Variants in SIGLEC11 observed in about 807,000 individuals in gnomAD.
SIGLEC11 encodes the protein sialic acid binding Ig like lectin 11.
In SIGLEC11, 47 loss-of-function variants were observed where a neutral mutation model predicts 61.2. That is an observed-to-expected ratio of 0.77 (90% CI 0.61 to 0.98). SIGLEC11 has a LOEUF of 0.98. Ranked by LOEUF, SIGLEC11 falls within the 50% of genes least tolerant of loss-of-function variation. The pLI is 0.00. For synonymous variants in SIGLEC11, 278 were observed against 373.1 expected, an observed-to-expected ratio of 0.75 and a Z score of 2.94; for missense variants, 610 against 870.3, an observed-to-expected ratio of 0.70 and a Z score of 3.76.
At position 49,960,374 on chromosome 19, in the gene SIGLEC11, C is replaced by T. The variant is rs1362564120; in HGVS notation, c.508G>A (p.Gly170Arg). 6 of 1,598,854 alleles carry T rather than the reference C, an allele frequency of 3.8e-6. No individual in the cohort carries two copies. The highest frequency in any genetic ancestry group is 5.1e-6 in the Non-Finnish European group (6 of 1,178,490). ...ACACAGATGACCGTCACCGGCTGCC[C>T]GGGCTCCAGGGTCTCGGGGATGTAG... ...DVYIPETLEP[G>R]QPVTVICVFN... The change falls in exon 3 of 11, where the codon GGG becomes AGG. Residue 170 changes from glycine (G) to arginine (R), a missense_variant. This residue lies in a region of SIGLEC11 where 99 missense variants were observed against 131.6 expected (regional missense o/e 0.75). Transcript: ENST00000447370.
Position 49,949,919 on chromosome 19 carries a change from C to A in SIGLEC11, c.*51G>T. ...TCTGAGTCCAGTTCTGGCCGTCACA[C>A]CAGTGCGACTCCCACACACTTGCTG... On this transcript the variant is annotated 3_prime_UTR_variant, in exon 11 of 11. Coordinates refer to ENST00000447370, the MANE Select transcript of SIGLEC11 (RefSeq NM_052884.3). 8 of 1,372,394 alleles carry A rather than the reference C, an allele frequency of 5.8e-6. No individual in the cohort carries two copies. Among genetic ancestry groups the A allele is most frequent in the Non-Finnish European group, 5.7e-6 (6 of 1,053,240 alleles). The allele number at this position is 1,372,394 out of a possible 1,614,324, so 85.0% of individuals were successfully genotyped here.
chr19:49,952,173 T>A (rs2076162784), intron 9 of SIGLEC11, 125 bp downstream of exon 9: 6 of 1,119,292 alleles, frequency 5.4e-6, no homozygotes, highest in Non-Finnish European at 7.7e-6. Context: ...CCTGCTCTGA[T>A]CCTCTTGCCC....
At chr19:49,956,847 A>T (rs905807563) in intron 8 of SIGLEC11, among the ~76,000 whole-genome samples, 15 of 152,122 alleles carry the variant, frequency 9.9e-5, no homozygotes, top group African/African-American at 2.4e-4. Context: ...AATGTTATCT[A>T]TCAGAACAGG....
rs763362799 is a variant in SIGLEC11, at chr19:49,952,302, AGAC to A, written c.1741_1743del (p.Val581del). ...TGCCTGCCCTCCGATGCTTACCTGA[AGAC>A]GACAAGGCAGGAACAGAAAGCGAGC... On this transcript the variant is annotated inframe_deletion, in exon 9 of 11. Transcript: ENST00000447370. 5 of 1,612,694 alleles carry A rather than the reference AGAC, an allele frequency of 3.1e-6. No individual in the cohort carries two copies. The highest frequency in any genetic ancestry group is 4.5e-5 in the East Asian group (2 of 44,888).
At chr19:49,957,805 G>C (rs1468618852) in intron 8 of SIGLEC11, among the ~76,000 whole-genome samples, 2 of 152,186 alleles carry the variant, frequency 1.3e-5, no homozygotes, top group East Asian at 3.8e-4. Context: ...TTCGAGACCA[G>C]CCTGGCCAAC....
At chr19:49,954,406 A>G (rs1460732990) in intron 8 of SIGLEC11, among the ~76,000 whole-genome samples, 4 of 152,196 alleles carry the variant, frequency 2.6e-5, no homozygotes, top group Admixed American at 1.3e-4. Context: ...AAGGAAGTCA[A>G]AATAGTCAAG....
In SIGLEC11 at chr19:49,949,293, T is replaced by C. The variant is rs1466149138; in HGVS notation, c.*677A>G. The C allele has an allele frequency of 1.3e-5, 2 of 151,904 alleles. No individual in the cohort carries two copies. The highest frequency in any genetic ancestry group is 4.8e-5 in the African/African-American group (2 of 41,266). The allele number at this position is 151,904 out of a possible 1,614,324, so 9.4% of individuals were successfully genotyped here. The stretch of plus-strand genomic sequence containing the variant: ...GAGCCACCATGCCCAGCCTTTTTTT[T>C]TTTTTTAAATGTTCAAATGGGAACC... On this transcript the variant is annotated 3_prime_UTR_variant, in exon 11 of 11. Transcript: ENST00000447370.
chr19:49,951,757 C>A lies in SIGLEC11; in HGVS notation c.1830+134G>T. The A allele has an allele frequency of 2.9e-6, 2 of 698,546 alleles. No homozygotes were observed. Among genetic ancestry groups the A allele is most frequent in the Non-Finnish European group, 2.2e-6 (1 of 445,792 alleles). 43.3% of individuals were successfully genotyped at this position (698,546 alleles called of 1,614,324 possible). A position where few individuals can be genotyped will look rare whatever the true frequency, so the allele number is the denominator to read the frequency against. ...GCCTCCCAGATCATGGGACTTGGGA[C>A]TGCATTGATGGGGACCCAGGAGCAA... On this transcript the variant is annotated intron_variant, in intron 10 of 10. Transcript: ENST00000447370. This position sits in a 1 kb window ranked among gnomAD's most constrained non-coding sequence, Gnocchi z 4.6.
At position 49,949,674 on chromosome 19, in the gene SIGLEC11, T is replaced by G. The variant is rs1408940587; in HGVS notation, c.*296A>C. On this transcript the variant is annotated 3_prime_UTR_variant, in exon 11 of 11. Transcript: ENST00000447370. ...CAGGGAAACATGGCAAAACCCTGTC[T>G]CTACTAAAAATATAACAATGAGCCT... 2 of 210,090 alleles carry G rather than the reference T, an allele frequency of 9.5e-6. No individual in the cohort carries two copies. The highest frequency in any genetic ancestry group is 4.6e-5 in the African/African-American group (2 of 43,692). The allele number at this position is 210,090 out of a possible 1,614,324, so 13.0% of individuals were successfully genotyped here. A position where few individuals can be genotyped will look rare whatever the true frequency, so the allele number is the denominator to read the frequency against.
At chr19:49,950,517 A>G (rs1439958027) in intron 10 of SIGLEC11, among the ~76,000 whole-genome samples, 1 of 152,136 alleles carries the variant, frequency 6.6e-6, no homozygotes, top group Non-Finnish European at 1.5e-5. Context: ...CTGGGGAGAC[A>G]CTATTGTCTC....
In SIGLEC11 at chr19:49,960,536, C is replaced by A. The variant is rs1470110154; in HGVS notation, c.460+16G>T. ...TCCCCAGTGTGACAGGCAGGGGTTC[C>A]CACCCCATTCCATACCTGTTACTTT... On this transcript the variant is annotated intron_variant, in intron 2 of 10. Transcript: ENST00000447370. 1 of 1,596,468 alleles carries A rather than the reference C, an allele frequency of 6.3e-7. No individual in the cohort carries two copies. The highest frequency in any genetic ancestry group is 1.1e-5 in the South Asian group (1 of 90,372).
chr19:49,951,890 C>T lies in SIGLEC11; in HGVS notation c.1830+1G>A, dbSNP rs760129958. The T allele has an allele frequency of 1.3e-6, 2 of 1,595,658 alleles. No individual in the cohort carries two copies. The highest frequency in any genetic ancestry group is 1.7e-6 in the Non-Finnish European group (2 of 1,171,592). Reference sequence around the variant, plus strand: ...CCAGCAGACAGAGGCTGGGCTCTCACCTGGGAGATGGGTCCCAGGGTGGAG... The same window carrying T: ...CCAGCAGACAGAGGCTGGGCTCTCATCTGGGAGATGGGTCCCAGGGTGGAG... On this transcript the variant is annotated splice_donor_variant, in intron 10 of 10. Coordinates refer to ENST00000447370, the MANE Select transcript of SIGLEC11 (RefSeq NM_052884.3). LOFTEE classifies it high-confidence loss of function. This position sits in a 1 kb window ranked among gnomAD's most constrained non-coding sequence, Gnocchi z 4.6.
In SIGLEC11 at chr19:49,955,196, G is replaced by A. The variant is rs1473084192; in HGVS notation, c.1652-2802C>T. ...CATGACCAGAGAACAAAACGGGAAA[G>A]AGCGAAAGCAACAAGCGAGGCACCA... On this transcript the variant is annotated intron_variant, in intron 8 of 10. Coordinates refer to ENST00000447370, the MANE Select transcript of SIGLEC11 (RefSeq NM_052884.3). The surrounding 1 kb of genome is among the most constrained non-coding windows in gnomAD (Gnocchi z 4.5). Among the ~76,000 whole-genome samples, 1 of 151,516 alleles carries A rather than the reference G, an allele frequency of 6.6e-6. No homozygotes were observed. The highest frequency in any genetic ancestry group is 2.4e-5 in the African/African-American group (1 of 41,224).
At chr19:49,958,002 C>T (rs758318973) in intron 8 of SIGLEC11, among the ~76,000 whole-genome samples, 8 of 151,658 alleles carry the variant, frequency 5.3e-5, no homozygotes, top group Non-Finnish European at 1.0e-4. Context: ...AAAAAAAAAC[C>T]AAAAAACAAA....
rs1410144822 is a variant in SIGLEC11 at position 49,955,123 on chromosome 19, A to G, written c.1652-2729T>C. On this transcript the variant is annotated intron_variant, in intron 8 of 10. Transcript: ENST00000447370. This position sits in a 1 kb window ranked among gnomAD's most constrained non-coding sequence, Gnocchi z 4.5. ...GTGACGTCAAGCGGCAGCTGCAGGCATGAATGCCACCCAGCTTATAAAAGT... is the reference window on the plus strand; with the variant it reads ...GTGACGTCAAGCGGCAGCTGCAGGCGTGAATGCCACCCAGCTTATAAAAGT... Among the ~76,000 whole-genome samples, 1 of 152,132 alleles carries G rather than the reference A, an allele frequency of 6.6e-6. No homozygotes were observed. Among genetic ancestry groups the G allele is most frequent in the Non-Finnish European group, 1.5e-5 (1 of 68,026 alleles).
chr19:49,950,007 T>A lies in SIGLEC11; in HGVS notation c.2060A>T (p.Gln687Leu). ...CATCCCTGACATCTCCCTCTCCAAT[T>A]GAAGCCCAAAGCCTGGGCCCCTCAG... ...QPLRGPGFGL[Q>L]LEREMSGMVP... The change falls in exon 11 of 11, where the codon CAA becomes CTA. Residue 687 changes from glutamine (Q) to leucine (L), a missense_variant. Gln to Leu is a moderately radical substitution (Grantham distance 113). Coordinates refer to ENST00000447370, the MANE Select transcript of SIGLEC11 (RefSeq NM_052884.3). 1 of 1,515,874 alleles carries A rather than the reference T, an allele frequency of 6.6e-7. No individual in the cohort carries two copies. Among genetic ancestry groups the A allele is most frequent in the Non-Finnish European group, 8.9e-7 (1 of 1,128,340 alleles). 93.9% of individuals were successfully genotyped at this position (1,515,874 alleles called of 1,614,324 possible).
At position 49,949,749 on chromosome 19, in the gene SIGLEC11, G is replaced by A. The variant is rs757470197; in HGVS notation, c.*221C>T. The A allele has an allele frequency of 4.6e-5, 17 of 368,588 alleles. No individual in the cohort carries two copies. Among genetic ancestry groups the A allele is most frequent in the Non-Finnish European group, 6.2e-5 (13 of 210,324 alleles). 22.8% of individuals were successfully genotyped at this position (368,588 alleles called of 1,614,324 possible). ...CCCAGCTACTTGGGAGGCTGAAATG[G>A]GAGGCTCACTTCAACCTGGCAGGTT... On this transcript the variant is annotated 3_prime_UTR_variant, in exon 11 of 11. Transcript: ENST00000447370.
At chr19:49,953,013 G>A (rs76990870) in intron 8 of SIGLEC11, among the ~76,000 whole-genome samples, 10 of 152,156 alleles carry the variant, frequency 6.6e-5, no homozygotes, top group East Asian at 3.9e-4. Flanking sequence ...CCTGTTCTCC[G>A]TATCGGTCTC....
Position 49,959,426 on chromosome 19 carries a change from G to A in SIGLEC11, c.991C>T (p.Arg331Cys), listed in dbSNP as rs769673458. Residue 331 changes from arginine (R) to cysteine (C), a missense_variant, in exon 5 of 11, where the codon CGC becomes TGC. Transcript: ENST00000447370. ...LRGVRAGDSGRYTCRAENRLG... is the reference protein window; with the variant it reads ...LRGVRAGDSGCYTCRAENRLG... ...CTGTTCTCCGCTCGGCAGGTGTAGCGCCCTGAATCCCCGGCCCTTACCCCA... is the reference window on the plus strand; with the variant it reads ...CTGTTCTCCGCTCGGCAGGTGTAGCACCCTGAATCCCCGGCCCTTACCCCA... The A allele has an allele frequency of 1.9e-5, 30 of 1,596,808 alleles. No individual in the cohort carries two copies. Among genetic ancestry groups the A allele is most frequent in the Admixed American group, 3.4e-5 (2 of 59,274 alleles).
Sources: allele counts gnomAD v4.1 joint callset (sites outside exome capture counted in the v4.1 genomes callset), GRCh38; gene constraint gnomAD v4.1.1; regional missense constraint gnomAD v4.1.1; non-coding constraint Gnocchi (gnomAD v3.1); transcripts MANE v1.5; gene names NCBI Gene and HGNC (gene_info 2026-07-23, HGNC 2026-07-21).